EHBP1: variants seen among roughly 807,000 people sequenced by gnomAD.
EHBP1 encodes the protein EH domain-binding protein 1.
A neutral mutation model predicts 144.0 loss-of-function variants in EHBP1; 55 were observed. The ratio of observed to expected loss-of-function variants is 0.38; its 90% CI spans 0.31 to 0.48. The LOEUF (loss-of-function observed/expected upper bound fraction) is 0.48. Among genes scored for constraint, EHBP1 ranks in the 20% least tolerant of loss-of-function variants. The pLI is 0.98. For missense variants in EHBP1, 1,200 were observed against 1,364.2 expected (o/e 0.88, Z 1.90); for synonymous variants, 469 against 472.7 (o/e 0.99, Z 0.10).
rs982115478 is a variant in EHBP1 at position 62,778,516 on chromosome 2, C to A, written c.312+7124C>A. 2.5e-4 allele frequency among the ~76,000 whole-genome samples: 38 copies of A among 149,644 alleles called. 1 individual carries two copies. Among genetic ancestry groups the A allele is most frequent in the African/African-American group, 9.1e-4 (37 of 40,496 alleles). ...CTCTCATTGCGCCACTGTACTCCAG[C>A]CTGGGCGACAGAGTGAGACCCTGTC... On this transcript the variant is annotated intron_variant, in intron 5 of 22. Coordinates refer to ENST00000431489, the MANE Select transcript of EHBP1 (RefSeq NM_001142616.3).
intron 19 of EHBP1, among the ~76,000 whole-genome samples, chr2:63,006,457 C>T (rs2153231824): frequency 6.6e-6 from 1 of 151,858 alleles, no homozygotes; most frequent in Admixed American, 6.6e-5. Flanking sequence ...TCCACTTCTA[C>T]TTCATTCATA....
chr2:62,758,992 C>T (rs1450868885), intron 3 of EHBP1, among the ~76,000 whole-genome samples: 3 of 152,242 alleles, frequency 2.0e-5, no homozygotes, highest in African/African-American at 4.8e-5. Context: ...TCAGAAATAA[C>T]GAATGATTGC....
chr2:62,875,806 C>T (rs1369571995), intron 10 of EHBP1, among the ~76,000 whole-genome samples: 5 of 152,130 alleles, frequency 3.3e-5, no homozygotes, highest in Admixed American at 2.6e-4. Flanking sequence ...TCTGATAGAG[C>T]TGAAAAACTC....
At chr2:62,734,350 T>C (rs1328976758) in intron 2 of EHBP1, among the ~76,000 whole-genome samples, 2 of 151,578 alleles carry the variant, frequency 1.3e-5, no homozygotes, top group African/African-American at 4.8e-5. Context: ...AACATTTCCA[T>C]CTTGGATCCA....
intron 10 of EHBP1, among the ~76,000 whole-genome samples, chr2:62,886,150 GA>G (rs2051911158): frequency 6.6e-6 from 1 of 152,160 alleles, no homozygotes; most frequent in African/African-American, 2.4e-5. Context: ...CTTCCTTCCA[GA>G]AAGTTCTTTA....
chr2:62,955,446 C>T, intron 13 of EHBP1, 71 bp from the exon 14 acceptor site: 3 of 1,437,952 alleles, frequency 2.1e-6, no homozygotes, highest in African/African-American at 1.4e-5. Flanking sequence ...ATTGTCTAAC[C>T]TTTCATTAGT....
chr2:62,858,486 G>T (rs2049251466), intron 7 of EHBP1: 1 of 1,610,894 alleles, frequency 6.2e-7, no homozygotes, highest in African/African-American at 1.3e-5. Flanking sequence ...TATGCGTTCA[G>T]CTAAATCAGC....
intron 6 of EHBP1, among the ~76,000 whole-genome samples, chr2:62,827,175 G>A (rs1049417572): frequency 2.0e-5 from 3 of 152,184 alleles, no homozygotes; most frequent in Non-Finnish European, 4.4e-5. Context: ...AAAATGAGAT[G>A]TTTGACACTC....
chr2:62,831,067 T>C lies in EHBP1; in HGVS notation c.543T>C (p.Ala181=), dbSNP rs752457747. The C allele has an allele frequency of 1.2e-6, 2 of 1,612,448 alleles. No homozygotes were observed. Among genetic ancestry groups the C allele is most frequent in the Non-Finnish European group, 1.7e-6 (2 of 1,179,428 alleles). The part of the protein sequence containing the change: ...SLASLMSMKQ[A]DIGNLDDFEE... ...CTAGTTTGATGAGTATGAAGCAGGC[T>C]GACATTGGCAATTTAGATGACTTCG... is the stretch of plus-strand genomic sequence containing the variant. The change falls in exon 7 of 23, where the codon GCT becomes GCC. Residue 181 remains alanine (A), a synonymous_variant. Coordinates refer to ENST00000431489, the MANE Select transcript of EHBP1 (RefSeq NM_001142616.3).
At chr2:62,860,923 T>C (rs369380203) in intron 8 of EHBP1, among the ~76,000 whole-genome samples, 1 of 152,208 alleles carries the variant, frequency 6.6e-6, no homozygotes, top group South Asian at 2.1e-4. Flanking sequence ...TTTTTAAATA[T>C]ATGCCTATTA....
At chr2:62,978,161 G>A (rs1413794516) in intron 14 of EHBP1, among the ~76,000 whole-genome samples, 2 of 149,664 alleles carry the variant, frequency 1.3e-5, no homozygotes, top group African/African-American at 4.9e-5. Flanking sequence ...TTACAAAGCA[G>A]TTTCACATTG....
At chr2:62,995,990 C>T (rs1196123483) in intron 18 of EHBP1, among the ~76,000 whole-genome samples, 6 of 151,984 alleles carry the variant, frequency 3.9e-5, no homozygotes, top group Non-Finnish European at 8.8e-5. Context: ...TTTGAAACCA[C>T]CTGTCAGGTT....
intron 19 of EHBP1, among the ~76,000 whole-genome samples, chr2:63,033,459 C>T (rs2061340480): frequency 6.6e-6 from 1 of 152,088 alleles, no homozygotes; most frequent in Non-Finnish European, 1.5e-5. Flanking sequence ...TAACAGCAGC[C>T]TACATTTATA....
At chr2:62,990,488 T>C (rs2059371872) in intron 15 of EHBP1, among the ~76,000 whole-genome samples, 1 of 152,200 alleles carries the variant, frequency 6.6e-6, no homozygotes, top group African/African-American at 2.4e-5. Flanking sequence ...TATTTAACTA[T>C]AGTATAACTA....
chr2:62,722,135 T>A lies in EHBP1; in HGVS notation c.104+14840T>A, dbSNP rs565226499. Among the ~76,000 whole-genome samples, 5 of 152,210 alleles carry A rather than the reference T, an allele frequency of 3.3e-5. No homozygotes were observed. The East Asian group carries it at 7.7e-4, about 23-fold the overall frequency. ...ATGTATTTCTTAAAAATAGGAATTT[T>A]GTTTTTTTTTTTGAGACAGAGTCTC... On this transcript the variant is annotated intron_variant, in intron 2 of 22. Transcript: ENST00000431489.
chr2:62,753,230 G>A (rs1206365538), intron 3 of EHBP1, among the ~76,000 whole-genome samples: 3 of 152,136 alleles, frequency 2.0e-5, no homozygotes. Context: ...TTGCTTGTCT[G>A]TAAAGTATTT....
At position 62,874,273 on chromosome 2, in the gene EHBP1, C is replaced by T. The variant is rs1357960272; in HGVS notation, c.999-73C>T. 4 of 1,201,536 alleles carry T rather than the reference C, an allele frequency of 3.3e-6. No individual in the cohort carries two copies. In the African/African-American group the frequency reaches 4.7e-5, roughly 14 times the overall value. 74.4% of individuals were successfully genotyped at this position (1,201,536 alleles called of 1,614,324 possible). On this transcript the variant is annotated intron_variant, in intron 9 of 22. Transcript: ENST00000431489. ...AAAAAAGAAATTTTAGTTTTCAGTG[C>T]ATGTTTTATTATTTTACTTGTAAAT...
At chr2:62,814,219 C>T (rs2045270420) in intron 5 of EHBP1, among the ~76,000 whole-genome samples, 1 of 152,280 alleles carries the variant, frequency 6.6e-6, no homozygotes, top group South Asian at 2.1e-4. Context: ...TTAATTTCAT[C>T]ATCTTGAGAG....
At chr2:62,893,483 C>T (rs2052623601) in intron 10 of EHBP1, among the ~76,000 whole-genome samples, 1 of 152,092 alleles carries the variant, frequency 6.6e-6, no homozygotes, top group Admixed American at 6.6e-5. Flanking sequence ...ACTCTTAACA[C>T]TGCTTTGAAC....
Sources: gnomAD v4.1 joint callset for allele counts (sites outside exome capture counted in the v4.1 genomes callset) on GRCh38, gnomAD v4.1.1 for gene constraint, MANE v1.5 for transcripts, NCBI Gene and HGNC (gene_info 2026-07-23, HGNC 2026-07-21) for gene names.